Variants in CADM2 observed in about 807,000 individuals in gnomAD.
CADM2 encodes cell adhesion molecule 2.
In CADM2, 12 loss-of-function variants were observed where a neutral mutation model predicts 49.8. That is an observed-to-expected ratio of 0.24 (90% CI 0.15 to 0.39). The LOEUF (loss-of-function observed/expected upper bound fraction) is 0.39. Ranked by LOEUF, CADM2 falls within the 10% of genes least tolerant of loss-of-function variation. CADM2 has a pLI of 1.00. For synonymous variants in CADM2, 214 were observed against 175.4 expected (o/e 1.22, Z -1.74); for missense variants, 378 against 492.3 (o/e 0.77, Z 2.20).
intron 1 of CADM2, among the ~76,000 whole-genome samples, chr3:85,046,897 G>T (rs771862059): frequency 6.6e-6 from 1 of 151,290 alleles, no homozygotes; most frequent in Non-Finnish European, 1.5e-5. Flanking sequence ...ATCAATACAC[G>T]TCATACATAT....
chr3:85,436,179 T>TA (rs769826701), intron 1 of CADM2, among the ~76,000 whole-genome samples: 19 of 152,100 alleles, frequency 1.2e-4, no homozygotes, highest in African/African-American at 4.6e-4. Context: ...ATTCTCTTTG[T>TA]AGCAATGGTG....
At position 86,007,063 on chromosome 3, in the gene CADM2, T is replaced by C. The variant is rs539788559; in HGVS notation, c.970+45416T>C. ...TCAAAAAATAAAAAATAAAAATTAA[T>C]TAATTAATTAACAAACCTATTGACT... On this transcript the variant is annotated intron_variant, in intron 8 of 9. Coordinates refer to ENST00000383699, the MANE Select transcript of CADM2 (RefSeq NM_001167675.2). Among the ~76,000 whole-genome samples the C allele has an allele frequency of 2.5e-3, 378 of 151,706 alleles. 1 individual carries two copies. The highest frequency in any genetic ancestry group is 8.8e-3 in the African/African-American group (366 of 41,378).
chr3:85,034,279 C>T (rs1399753799), intron 1 of CADM2, among the ~76,000 whole-genome samples: 2 of 151,224 alleles, frequency 1.3e-5, no homozygotes, highest in African/African-American at 2.4e-5. Flanking sequence ...CCTTCTTGCC[C>T]CCCACACTAC....
chr3:85,984,959 A>T (rs1727915768), intron 8 of CADM2, among the ~76,000 whole-genome samples: 1 of 151,912 alleles, frequency 6.6e-6, no homozygotes, highest in Non-Finnish European at 1.5e-5. Context: ...AAAAAAAAGG[A>T]TTTTTTTAAA....
At chr3:85,333,626 G>A (rs978248693) in intron 1 of CADM2, among the ~76,000 whole-genome samples, 2 of 151,708 alleles carry the variant, frequency 1.3e-5, no homozygotes, top group Non-Finnish European at 3.0e-5. Flanking sequence ...AAAGAAACGT[G>A]TTTTTCTGCT....
chr3:85,384,283 T>C (rs958957728), intron 1 of CADM2, among the ~76,000 whole-genome samples: 2 of 152,106 alleles, frequency 1.3e-5, no homozygotes, highest in African/African-American at 4.8e-5. Context: ...TTTTTCACCA[T>C]TGGGTGTTAA....
At chr3:85,022,767 T>A (rs1291569750) in intron 1 of CADM2, among the ~76,000 whole-genome samples, 1 of 152,140 alleles carries the variant, frequency 6.6e-6, no homozygotes, top group Non-Finnish European at 1.5e-5. Flanking sequence ...CTACATTATA[T>A]AATAGAGACT....
At chr3:85,911,565 G>T (rs757675705) in intron 5 of CADM2, among the ~76,000 whole-genome samples, 4 of 152,176 alleles carry the variant, frequency 2.6e-5, no homozygotes, top group Non-Finnish European at 4.4e-5. Flanking sequence ...TCTTTCCAAA[G>T]ATGACAACTT....
intron 1 of CADM2, among the ~76,000 whole-genome samples, chr3:85,138,708 G>A (rs1203355396): frequency 1.3e-5 from 2 of 151,994 alleles, no homozygotes; most frequent in Non-Finnish European, 1.5e-5. Flanking sequence ...GTCTCCATAA[G>A]GGTATGATAT....
intron 2 of CADM2, among the ~76,000 whole-genome samples, chr3:85,792,214 G>A (rs975944431): frequency 6.6e-6 from 1 of 152,166 alleles, no homozygotes; most frequent in African/African-American, 2.4e-5. Context: ...TGATTCAGGT[G>A]TCTATGTCTC....
intron 8 of CADM2, chr3:86,028,069 G>A (rs1238293925): frequency 9.6e-6 from 1 of 103,848 alleles, no homozygotes; most frequent in Non-Finnish European, 1.9e-5. Context: ...GGGGAGGGGG[G>A]AGGGATAGTA....
At chr3:85,030,396 G>T (rs1278526813) in intron 1 of CADM2, among the ~76,000 whole-genome samples, 1 of 152,098 alleles carries the variant, frequency 6.6e-6, no homozygotes, top group Non-Finnish European at 1.5e-5. Context: ...TAAGACACTG[G>T]TAAAGACAAT....
intron 1 of CADM2, among the ~76,000 whole-genome samples, chr3:85,321,100 A>G (rs2044589609): frequency 1.9e-4 from 6 of 32,182 alleles, no homozygotes; most frequent in African/African-American, 4.2e-4. Context: ...ACATATATAT[A>G]TATATATATA....
At chr3:86,032,328 G>A (rs962107162) in intron 8 of CADM2, among the ~76,000 whole-genome samples, 1 of 151,856 alleles carries the variant, frequency 6.6e-6, no homozygotes, top group East Asian at 1.9e-4. Flanking sequence ...TGTTTCAAAG[G>A]ACATCTGTGT....
chr3:85,653,201 G>A (rs1453234380), intron 1 of CADM2, among the ~76,000 whole-genome samples: 3 of 151,068 alleles, frequency 2.0e-5, no homozygotes, highest in South Asian at 2.1e-4. Flanking sequence ...AGCAAAGAAC[G>A]AGAATATTAG....
At chr3:85,090,462 T>C (rs995324490) in intron 1 of CADM2, among the ~76,000 whole-genome samples, 1 of 152,214 alleles carries the variant, frequency 6.6e-6, no homozygotes, top group Non-Finnish European at 1.5e-5. Flanking sequence ...GGGTCACAAA[T>C]GAATAGATTT....
At chr3:85,056,688 C>G (rs2036092143) in intron 1 of CADM2, among the ~76,000 whole-genome samples, 1 of 151,968 alleles carries the variant, frequency 6.6e-6, no homozygotes, top group African/African-American at 2.4e-5. Context: ...ATGATATATG[C>G]AATATATCCC....
chr3:85,630,882 C>G (rs2107521296), intron 1 of CADM2, among the ~76,000 whole-genome samples: 1 of 151,948 alleles, frequency 6.6e-6, no homozygotes, highest in South Asian at 2.1e-4. Context: ...ACCAGATCTC[C>G]TGCCTAAAAC....
rs1202756032 is a variant in CADM2 at position 85,489,755 on chromosome 3, TGTGAGA to T, written c.62-236765_62-236760del. On this transcript the variant is annotated intron_variant, in intron 1 of 9. Coordinates refer to ENST00000383699, the MANE Select transcript of CADM2 (RefSeq NM_001167675.2). ...AAAAATTATTTAACGTGTGTGTGTGTGTGAGAGAGAGAGAGAGAGAGAAATTATTTA... is the reference window on the plus strand; with the variant it reads ...AAAAATTATTTAACGTGTGTGTGTGTGAGAGAGAGAGAGAGAAATTATTTA... Among the ~76,000 whole-genome samples the T allele has an allele frequency of 3.0e-3, 452 of 148,330 alleles. 4 individuals carry two copies. Among genetic ancestry groups the T allele is most frequent in the African/African-American group, 9.3e-3 (376 of 40,590 alleles).
Sources: allele counts gnomAD v4.1 joint callset (sites outside exome capture counted in the v4.1 genomes callset), GRCh38; gene constraint gnomAD v4.1.1; transcripts MANE v1.5; gene names NCBI Gene and HGNC (gene_info 2026-07-23, HGNC 2026-07-21).